PGAM5: variants seen among roughly 807,000 people sequenced by gnomAD.
PGAM5 encodes PGAM family member 5, mitochondrial serine/threonine protein phosphatase, also known as serine/threonine-protein phosphatase PGAM5, mitochondrial.
Under a neutral mutation model 30.6 loss-of-function variants are expected in PGAM5, and 25 were observed. The observed-to-expected ratio is 0.82, with a 90% confidence interval of 0.60 to 1.14. The LOEUF is 1.14. PGAM5 is among the 50% of genes most tolerant of loss of function. The pLI is 0.00. For synonymous variants in PGAM5, 201 were observed against 179.1 expected (o/e 1.12, Z -0.98); for missense variants, 384 against 408.5 (o/e 0.94, Z 0.52).
chr12:132,711,025 G>A lies in PGAM5; in HGVS notation c.149G>A (p.Gly50Asp), dbSNP rs978849671. 6.6e-6 allele frequency: 8 copies of A among 1,215,440 alleles called. No individual in the cohort carries two copies. The highest frequency in any genetic ancestry group is 6.3e-5 in the African/African-American group (4 of 63,532). 75.3% of individuals were successfully genotyped at this position (1,215,440 alleles called of 1,614,324 possible). ...RPAEPPAWAGGARPGPGVWDP... is the reference protein window; with the variant it reads ...RPAEPPAWAGDARPGPGVWDP... ...GCTGAGCCGCCGGCCTGGGCGGGGGGCGCGCGGCCGGGCCCCGGTGTCTGG... is the reference window on the plus strand; with the variant it reads ...GCTGAGCCGCCGGCCTGGGCGGGGGACGCGCGGCCGGGCCCCGGTGTCTGG... The change falls in exon 1 of 6, where the codon GGC becomes GAC. Residue 50 changes from glycine (G) to aspartate (D), a missense_variant. Transcript: ENST00000498926.
chr12:132,717,393 G>C, intron 2 of PGAM5, 46 bp from the exon 3 acceptor site: 1 of 1,589,412 alleles, frequency 6.3e-7, no homozygotes, highest in Non-Finnish European at 8.5e-7. Context: ...TTTGAGGGTG[G>C]AGGAGGGGGT....
At chr12:132,711,121 T>G in intron 1 of PGAM5, 54 bp downstream of exon 1, 1 of 1,164,420 alleles carries the variant, frequency 8.6e-7, no homozygotes, top group Non-Finnish European at 1.1e-6. Context: ...GGGCAGGTGT[T>G]ACCGTTGGGA....
chr12:132,711,958 C>T (rs979240336), intron 1 of PGAM5, among the ~76,000 whole-genome samples: 1 of 152,204 alleles, frequency 6.6e-6, no homozygotes, highest in African/African-American at 2.4e-5. Flanking sequence ...TCGGCCAGGA[C>T]TGCTCTAGCG....
chr12:132,719,227 C>T (rs1347520356), intron 5 of PGAM5: 4 of 1,138,098 alleles, frequency 3.5e-6, no homozygotes, highest in African/African-American at 1.6e-5. Context: ...CTGAGGGGGC[C>T]CTCTTGAGTG....
At position 132,718,114 on chromosome 12, in the gene PGAM5, T is replaced by C; in HGVS notation, c.713T>C (p.Val238Ala). Residue 238 changes from valine to alanine, a missense_variant, in exon 5 of 6, where the codon GTG becomes GCG. Physicochemically the swap from Val to Ala is moderately conservative, Grantham distance 64. Transcript: ENST00000498926. ...ICHANVIRYI[V>A]CRALQFPPEG... ...CACGCCAACGTCATCCGCTACATCG[T>C]GTGCAGGTAGGCAGCTGCTGGGCTG... The C allele has an allele frequency of 6.2e-7, 1 of 1,612,530 alleles. No homozygotes were observed. Among genetic ancestry groups the C allele is most frequent in the Non-Finnish European group, 8.5e-7 (1 of 1,179,926 alleles).
At chr12:132,719,200 G>C in intron 5 of PGAM5, 4 of 1,166,516 alleles carry the variant, frequency 3.4e-6, no homozygotes, top group Non-Finnish European at 4.3e-6. Context: ...TAGGAAATGT[G>C]TGTGTGGGCT....
chr12:132,713,545 C>G (rs1018727722), intron 1 of PGAM5, among the ~76,000 whole-genome samples: 1 of 152,208 alleles, frequency 6.6e-6, no homozygotes, highest in Non-Finnish European at 1.5e-5. Context: ...GCCCCCAGGT[C>G]GGCGTGGCCC....
chr12:132,712,011 T>C (rs917855080), intron 1 of PGAM5, among the ~76,000 whole-genome samples: 1 of 152,196 alleles, frequency 6.6e-6, no homozygotes, highest in African/African-American at 2.4e-5. Flanking sequence ...TTATACTCAG[T>C]ACTTTGAGAA....
intron 1 of PGAM5, among the ~76,000 whole-genome samples, chr12:132,714,506 C>T (rs1056050811): frequency 6.6e-6 from 1 of 152,214 alleles, no homozygotes; most frequent in Non-Finnish European, 1.5e-5. Flanking sequence ...CGCCTGCGCC[C>T]CGATAGCCGC....
chr12:132,719,692 G>A (rs918845265), intron 5 of PGAM5, among the ~76,000 whole-genome samples: 8 of 152,364 alleles, frequency 5.3e-5, no homozygotes, highest in Admixed American at 2.0e-4. Flanking sequence ...GGCCAGGCAC[G>A]TGCACCTGGA....
intron 5 of PGAM5, chr12:132,718,784 G>T (rs766870257): frequency 6.2e-7 from 1 of 1,613,600 alleles, no homozygotes; most frequent in South Asian, 1.1e-5. Flanking sequence ...GTTGTCCGCT[G>T]GGGATTTTGT....
Position 132,722,611 on chromosome 12 carries a change from T to G in PGAM5, c.*1783T>G, listed in dbSNP as rs1458155570. ...TATGCTGTTAATTTAGGAAAAACAG[T>G]ACAATTTCTATGAAGTGGTTGTGAC... On this transcript the variant is annotated 3_prime_UTR_variant, in exon 6 of 6. Transcript: ENST00000498926. 6.6e-6 allele frequency: 1 copy of G among 151,800 alleles called. No homozygotes were observed. Among genetic ancestry groups the G allele is most frequent in the African/African-American group, 2.4e-5 (1 of 41,062 alleles). The allele number at this position is 151,800 out of a possible 1,614,324, so 9.4% of individuals were successfully genotyped here.
intron 5 of PGAM5, among the ~76,000 whole-genome samples, chr12:132,719,918 T>A (rs1434599614): frequency 6.6e-6 from 1 of 152,206 alleles, no homozygotes; most frequent in Non-Finnish European, 1.5e-5. Context: ...CGTTCTTTGC[T>A]TTCCCAGAAA....
intron 1 of PGAM5, 110 bp from the exon 2 acceptor site, chr12:132,714,748 C>T (rs945060067): frequency 7.8e-7 from 1 of 1,279,814 alleles, no homozygotes; most frequent in Admixed American, 2.0e-5. Context: ...GCCTTGTCTT[C>T]TCTCCATGCT....
At position 132,722,000 on chromosome 12, in the gene PGAM5, T is replaced by C. The variant is rs1438237353; in HGVS notation, c.*1172T>C. 6.6e-6 allele frequency: 1 copy of C among 152,162 alleles called. No individual in the cohort carries two copies. The highest frequency in any genetic ancestry group is 1.5e-5 in the Non-Finnish European group (1 of 68,056). The allele number at this position is 152,162 out of a possible 1,614,324, so 9.4% of individuals were successfully genotyped here. ...TGATGTTGGGTCTGAACTCACCAACTTGATTAGGTCTTTAGGGGCCGAGGG... is the reference window on the plus strand; with the variant it reads ...TGATGTTGGGTCTGAACTCACCAACCTGATTAGGTCTTTAGGGGCCGAGGG... On this transcript the variant is annotated 3_prime_UTR_variant, in exon 6 of 6. Coordinates refer to ENST00000498926, the MANE Select transcript of PGAM5 (RefSeq NM_001170543.2).
intron 1 of PGAM5, among the ~76,000 whole-genome samples, chr12:132,712,797 A>T (rs2043535668): frequency 1.3e-5 from 2 of 152,066 alleles, no homozygotes; most frequent in Non-Finnish European, 2.9e-5. Flanking sequence ...GAAAAATCAG[A>T]AATTCTGAAT....
intron 1 of PGAM5, 50 bp downstream of exon 1, chr12:132,711,117 G>A (rs1247245670): frequency 1.7e-6 from 2 of 1,176,668 alleles, no homozygotes; most frequent in Non-Finnish European, 2.1e-6. Context: ...GTCAGGGCAG[G>A]TGTTACCGTT....
rs960643030 is a variant in PGAM5, at chr12:132,719,191, A to G, written c.719+1071A>G. ...AATTTGCCTCTTCTCTGGATCCATT[A>G]GGAAATGTGTGTGTGGGCTCCGCAG... On this transcript the variant is annotated intron_variant, in intron 5 of 5. Coordinates refer to ENST00000498926, the MANE Select transcript of PGAM5 (RefSeq NM_001170543.2). 54 of 1,176,858 alleles carry G rather than the reference A, an allele frequency of 4.6e-5. No homozygotes were observed. In the African/African-American group the frequency reaches 8.4e-4, roughly 18 times the overall value. 72.9% of individuals were successfully genotyped at this position (1,176,858 alleles called of 1,614,324 possible).
At chr12:132,713,253 G>C (rs562781739) in intron 1 of PGAM5, among the ~76,000 whole-genome samples, 13 of 152,316 alleles carry the variant, frequency 8.5e-5, no homozygotes, top group African/African-American at 3.1e-4. Context: ...TCATGTCTGG[G>C]GAGAAGTGAA....
Sources: gnomAD v4.1 joint callset for allele counts (sites outside exome capture counted in the v4.1 genomes callset) on GRCh38, gnomAD v4.1.1 for gene constraint, MANE v1.5 for transcripts, NCBI Gene and HGNC (gene_info 2026-07-23, HGNC 2026-07-21) for gene names.